NAALADL2: variants seen among roughly 807,000 people sequenced by gnomAD.
The protein encoded by NAALADL2 is N-acetylated alpha-linked acidic dipeptidase like 2, also known as inactive N-acetylated-alpha-linked acidic dipeptidase-like protein 2.
NAALADL2 carries 76 observed loss-of-function variants against 87.2 expected under a neutral mutation model. The ratio of observed to expected loss-of-function variants is 0.87; its 90% CI spans 0.72 to 1.05. The LOEUF (loss-of-function observed/expected upper bound fraction) is 1.05, where lower values mean the gene tolerates loss of function less well. NAALADL2 is among the 50% of genes least tolerant of loss of function. The probability of loss-of-function intolerance (pLI) is 0.00; values close to 1 mark genes in which losing one functional copy is unlikely to be tolerated. For synonymous variants in NAALADL2, 354 were observed against 331.0 expected, an observed-to-expected ratio of 1.07 and a Z score of -0.75; for missense variants, 1,089 against 945.8, an observed-to-expected ratio of 1.15 and a Z score of -1.99.
chr3:175,683,711 C>A (rs1421898451), intron 11 of NAALADL2, among the ~76,000 whole-genome samples: 1 of 151,782 alleles, frequency 6.6e-6, no homozygotes, highest in Non-Finnish European at 1.5e-5. Context: ...GTAAGTGGGG[C>A]TTTCTTTTAG....
intron 2 of NAALADL2, among the ~76,000 whole-genome samples, chr3:174,593,093 G>T (rs1240660508): frequency 1.3e-5 from 2 of 152,096 alleles, no homozygotes; most frequent in East Asian, 1.9e-4. Flanking sequence ...AAATTTTCTT[G>T]TAGGACAATC....
intron 1 of NAALADL2, among the ~76,000 whole-genome samples, chr3:174,904,212 C>G (rs144172645): frequency 6.6e-6 from 1 of 151,632 alleles, no homozygotes; most frequent in African/African-American, 2.4e-5. Context: ...TTAGTGTTGC[C>G]AAGAGCCAAA....
intron 1 of NAALADL2, among the ~76,000 whole-genome samples, chr3:174,878,802 G>A (rs3860557): frequency 0.14 from 20,883 of 151,714 alleles, 1,575 homozygotes; most frequent in African/African-American, 0.18. Flanking sequence ...CAGAAGACAT[G>A]TGAGATAAAA....
intron 1 of NAALADL2, among the ~76,000 whole-genome samples, chr3:174,949,207 TA>T (rs1352605938): frequency 5.5e-4 from 83 of 152,176 alleles, no homozygotes; most frequent in African/African-American, 1.7e-3. Flanking sequence ...GGGGGAAACA[TA>T]AACATTCAGG....
chr3:174,992,444 G>T (rs149080241), intron 1 of NAALADL2, among the ~76,000 whole-genome samples: 1 of 151,988 alleles, frequency 6.6e-6, no homozygotes, highest in African/African-American at 2.4e-5. Context: ...TTTTGTGAGG[G>T]TATAGATAAT....
intron 3 of NAALADL2, among the ~76,000 whole-genome samples, chr3:174,827,393 A>C (rs1379109944): frequency 6.6e-6 from 1 of 152,094 alleles, no homozygotes; most frequent in African/African-American, 2.4e-5. Context: ...TGGAGGGGAG[A>C]GTATTTTCTT....
chr3:175,070,903 A>G (rs547552820), intron 1 of NAALADL2, among the ~76,000 whole-genome samples: 1 of 152,044 alleles, frequency 6.6e-6, no homozygotes, highest in African/African-American at 2.4e-5. Context: ...GTGCTTTCCT[A>G]TGTTTGTGAA....
chr3:175,074,470 C>T (rs11925569), intron 1 of NAALADL2, among the ~76,000 whole-genome samples: 25,152 of 151,806 alleles, frequency 0.17, 2,926 homozygotes, highest in African/African-American at 0.32. Context: ...TTTTATTCAA[C>T]AATTTAAATT....
At chr3:175,352,869 A>C (rs1380653892) in intron 5 of NAALADL2, among the ~76,000 whole-genome samples, 1 of 151,556 alleles carries the variant, frequency 6.6e-6, no homozygotes. Context: ...GACAAGAAGA[A>C]TCTTTCGTCC....
At chr3:175,096,332 C>T (rs959696742) in intron 1 of NAALADL2, among the ~76,000 whole-genome samples, 1 of 151,972 alleles carries the variant, frequency 6.6e-6, no homozygotes, top group South Asian at 2.1e-4. Flanking sequence ...TATTTTTTCC[C>T]TTTAACTTAC....
chr3:175,457,328 C>T (rs565289713), intron 6 of NAALADL2, among the ~76,000 whole-genome samples: 1 of 152,056 alleles, frequency 6.6e-6, no homozygotes, highest in Non-Finnish European at 1.5e-5. Flanking sequence ...TACCTATGAT[C>T]ACTTGATTAA....
chr3:175,296,983 C>T (rs959270308), intron 4 of NAALADL2, among the ~76,000 whole-genome samples: 1 of 152,062 alleles, frequency 6.6e-6, no homozygotes, highest in Non-Finnish European at 1.5e-5. Context: ...CAGAAGAGGC[C>T]ACAGAGGGGT....
At chr3:175,367,034 G>A (rs1765685336) in intron 5 of NAALADL2, among the ~76,000 whole-genome samples, 1 of 151,228 alleles carries the variant, frequency 6.6e-6, no homozygotes. Flanking sequence ...ATTAATTTTT[G>A]TATAAGGTGT....
At chr3:174,953,125 A>C (rs1740626351) in intron 1 of NAALADL2, among the ~76,000 whole-genome samples, 1 of 152,004 alleles carries the variant, frequency 6.6e-6, no homozygotes, top group African/African-American at 2.4e-5. Flanking sequence ...AGACACAGGA[A>C]GGTCTAGAAA....
rs550634939 is a variant in NAALADL2 at position 174,509,322 on chromosome 3, G to A, written c.-183-41247G>A. On this transcript the variant is annotated intron_variant, in intron 1 of 3. Coordinates refer to the NAALADL2 transcript ENST00000434257. ...GCTATAAAAGAATATCACTAACAGG[G>A]TGGCTTAAATAATGGCAATTTATTT... Among the ~76,000 whole-genome samples, 319 of 151,802 alleles carry A rather than the reference G, an allele frequency of 2.1e-3. 1 individual carries two copies. The highest frequency in any genetic ancestry group is 7.1e-3 in the African/African-American group (295 of 41,478).
At chr3:174,958,228 A>G (rs1359672842) in intron 1 of NAALADL2, among the ~76,000 whole-genome samples, 5 of 151,070 alleles carry the variant, frequency 3.3e-5, no homozygotes, top group African/African-American at 1.2e-4. Flanking sequence ...ATAATCAATT[A>G]TATATATAAT....
intron 4 of NAALADL2, among the ~76,000 whole-genome samples, chr3:175,274,119 G>A (rs1753246730): frequency 6.6e-6 from 1 of 152,088 alleles, no homozygotes; most frequent in Non-Finnish European, 1.5e-5. Context: ...ACTGTTCCAC[G>A]TGGCTGGGGA....
At chr3:175,583,257 C>G (rs1431900337) in intron 10 of NAALADL2, among the ~76,000 whole-genome samples, 2 of 152,108 alleles carry the variant, frequency 1.3e-5, no homozygotes, top group Admixed American at 6.6e-5. Context: ...GACCAAAATT[C>G]AAAATTTGAA....
At position 175,803,392 on chromosome 3, in the gene NAALADL2, T is replaced by TATC; in HGVS notation, c.*190_*192dup. The TATC allele has an allele frequency of 2.5e-6, 1 of 403,286 alleles. No homozygotes were observed. Among genetic ancestry groups the TATC allele is most frequent in the East Asian group, 3.7e-5 (1 of 26,778 alleles). 25.0% of individuals were successfully genotyped at this position (403,286 alleles called of 1,614,324 possible). The stretch of plus-strand genomic sequence containing the variant: ...TTTTGCACATTTAATATTTTTCTTA[T>TATC]ATCTACATTTCTGAATATGTAAAGC... On this transcript the variant is annotated 3_prime_UTR_variant, in exon 14 of 14. Transcript: ENST00000454872.
Sources: allele counts gnomAD v4.1 joint callset (sites outside exome capture counted in the v4.1 genomes callset), GRCh38; gene constraint gnomAD v4.1.1; transcripts MANE v1.5; gene names NCBI Gene and HGNC (gene_info 2026-07-23, HGNC 2026-07-21).